DGCR2: variants seen among roughly 807,000 people sequenced by gnomAD.
DGCR2 encodes DiGeorge syndrome critical region gene 2.
Under a neutral mutation model 51.6 loss-of-function variants are expected in DGCR2, and 24 were observed. The ratio of observed to expected loss-of-function variants is 0.47; its 90% CI spans 0.34 to 0.65. The LOEUF (loss-of-function observed/expected upper bound fraction) is 0.65. Among genes scored for constraint, DGCR2 ranks in the 30% least tolerant of loss-of-function variants. DGCR2 has a pLI of 0.01. For synonymous variants in DGCR2, 340 were observed against 315.4 expected (o/e 1.08, Z -0.82); for missense variants, 765 against 772.1 (o/e 0.99, Z 0.11).
In DGCR2 at chr22:19,041,773, G is replaced by C. The variant is rs200000740; in HGVS notation, c.1159+34C>G. Reference sequence around the variant, plus strand: ...CATGGGGTGACCTGGGGTGGGGATGGGGACCAGGGTTGTGGCCCTCAGAGG... The same window carrying C: ...CATGGGGTGACCTGGGGTGGGGATGCGGACCAGGGTTGTGGCCCTCAGAGG... On this transcript the variant is annotated intron_variant, in intron 8 of 9. Transcript: ENST00000263196. The C allele has an allele frequency of 3.0e-4, 472 of 1,599,478 alleles. 1 individual carries two copies. The highest frequency in any genetic ancestry group is 2.8e-5 in the Non-Finnish European group (33 of 1,173,152).
chr22:19,115,338 T>C (rs1375110332), intron 1 of DGCR2, among the ~76,000 whole-genome samples: 1 of 152,182 alleles, frequency 6.6e-6, no homozygotes, highest in East Asian at 1.9e-4. Flanking sequence ...GCTGGTGAGC[T>C]TCAGTGAGGA....
At chr22:19,053,559 C>A (rs1254217238) in intron 6 of DGCR2, among the ~76,000 whole-genome samples, 1 of 152,114 alleles carries the variant, frequency 6.6e-6, no homozygotes, top group Non-Finnish European at 1.5e-5. Context: ...GTACTAAAGA[C>A]CTCCCCACAA....
rs542459094 is a variant in DGCR2, at chr22:19,038,767, G to A, written c.*98C>T. 142 of 1,497,240 alleles carry A rather than the reference G, an allele frequency of 9.5e-5. 1 individual carries two copies. Among genetic ancestry groups the A allele is most frequent in the South Asian group, 7.9e-4 (61 of 77,666 alleles). 92.7% of individuals were successfully genotyped at this position (1,497,240 alleles called of 1,614,324 possible). On this transcript the variant is annotated 3_prime_UTR_variant, in exon 10 of 10. Coordinates refer to ENST00000263196, the MANE Select transcript of DGCR2 (RefSeq NM_005137.3). The stretch of plus-strand genomic sequence containing the variant: ...CCAGTGACGTGCGGCAGTGCGTGGC[G>A]TCCAGGCTGGGACAGGGGCCTTTCA...
At chr22:19,109,895 C>A (rs1419438692) in intron 1 of DGCR2, among the ~76,000 whole-genome samples, 2 of 152,216 alleles carry the variant, frequency 1.3e-5, no homozygotes, top group East Asian at 3.8e-4. Context: ...GAAGTAACTC[C>A]TGCAAGAAAG....
chr22:19,082,067 T>G (rs5993511), intron 2 of DGCR2, among the ~76,000 whole-genome samples: 35,213 of 149,812 alleles, frequency 0.24, 4,744 homozygotes, highest in African/African-American at 0.37. Context: ...TTTTTTTGTT[T>G]TTTTTTTTTT....
At chr22:19,046,908 C>G (rs528687057) in intron 7 of DGCR2, 1 of 167,706 alleles carries the variant, frequency 6.0e-6, no homozygotes, top group South Asian at 1.1e-4. Context: ...GGCATTCTTA[C>G]AAAGCTTGGA....
chr22:19,048,650 T>C lies in DGCR2; in HGVS notation c.803-7A>G, dbSNP rs2082516872. On this transcript the variant is annotated splice_region_variant and splice_polypyrimidine_tract_variant and intron_variant, in intron 6 of 9. Coordinates refer to ENST00000263196, the MANE Select transcript of DGCR2 (RefSeq NM_005137.3). ...ATGTCAACACATGTTTGACCTGCAA[T>C]GAGCATACATTGTGTACAGATGTAT... is the stretch of plus-strand genomic sequence containing the variant. 2.5e-6 allele frequency: 4 copies of C among 1,614,006 alleles called. No individual in the cohort carries two copies. Among genetic ancestry groups the C allele is most frequent in the African/African-American group, 1.3e-5 (1 of 74,922 alleles).
intron 5 of DGCR2, among the ~76,000 whole-genome samples, chr22:19,058,918 G>A (rs2082631320): frequency 6.6e-6 from 1 of 152,248 alleles, no homozygotes; most frequent in Admixed American, 6.5e-5. Context: ...CCTGTGTAGC[G>A]CCCCTGCCCA....
intron 1 of DGCR2, among the ~76,000 whole-genome samples, chr22:19,116,551 C>T (rs1484797526): frequency 6.6e-6 from 1 of 152,202 alleles, no homozygotes; most frequent in Non-Finnish European, 1.5e-5. Context: ...GCCCACTCTG[C>T]AGACTGGCAG....
At chr22:19,108,800 T>C (rs771718891) in intron 1 of DGCR2, among the ~76,000 whole-genome samples, 18 of 151,552 alleles carry the variant, frequency 1.2e-4, no homozygotes, top group South Asian at 8.3e-4. Context: ...GGTGGGAGGA[T>C]TGCTTGAGCC....
chr22:19,072,393 T>C (rs1323076081), intron 2 of DGCR2, among the ~76,000 whole-genome samples: 1 of 151,972 alleles, frequency 6.6e-6, no homozygotes, highest in African/African-American at 2.4e-5. Context: ...GAACTTCAAG[T>C]CCCTCAGCCA....
In DGCR2 at chr22:19,063,284, G is replaced by C; in HGVS notation, c.549-6C>G. 4 of 1,613,744 alleles carry C rather than the reference G, an allele frequency of 2.5e-6. No individual in the cohort carries two copies. The South Asian group carries it at 3.3e-5, about 13-fold the overall frequency. On this transcript the variant is annotated splice_polypyrimidine_tract_variant and splice_region_variant and intron_variant, in intron 4 of 9. Transcript: ENST00000263196. ...ACTGATAGCCAACCCACAACCTGCAGGGCACAGAGACAGAGACAGAGATCT... is the reference window on the plus strand; with the variant it reads ...ACTGATAGCCAACCCACAACCTGCACGGCACAGAGACAGAGACAGAGATCT...
chr22:19,067,663 G>C (rs2082764254), intron 3 of DGCR2, among the ~76,000 whole-genome samples: 1 of 152,038 alleles, frequency 6.6e-6, no homozygotes, highest in Admixed American at 6.6e-5. Context: ...CTGCACTCCA[G>C]CCTGGGTGAC....
chr22:19,072,264 T>C lies in DGCR2; in HGVS notation c.203-4039A>G, dbSNP rs556887137. Among the ~76,000 whole-genome samples, 7 of 152,114 alleles carry C rather than the reference T, an allele frequency of 4.6e-5. No individual in the cohort carries two copies. The South Asian group carries it at 6.2e-4, about 14-fold the overall frequency. On this transcript the variant is annotated intron_variant, in intron 2 of 9. Coordinates refer to ENST00000263196, the MANE Select transcript of DGCR2 (RefSeq NM_005137.3). The stretch of plus-strand genomic sequence containing the variant: ...CTCAGAACCCCAGGCTCCAGGCAGA[T>C]AGGAAATGGTCCTTTATGGAAAAAA...
intron 1 of DGCR2, among the ~76,000 whole-genome samples, chr22:19,093,206 C>T (rs1408625638): frequency 6.6e-6 from 1 of 151,536 alleles, no homozygotes; most frequent in Non-Finnish European, 1.5e-5. Context: ...ACTAAAAATA[C>T]AAAATTAGCC....
chr22:19,107,132 A>C (rs536535732), intron 1 of DGCR2, among the ~76,000 whole-genome samples: 3 of 152,186 alleles, frequency 2.0e-5, no homozygotes, highest in African/African-American at 7.2e-5. Context: ...GTAGCTCCCC[A>C]AACACATAAC....
intron 1 of DGCR2, among the ~76,000 whole-genome samples, chr22:19,111,723 G>C (rs533834585): frequency 6.6e-6 from 1 of 152,168 alleles, no homozygotes; most frequent in Non-Finnish European, 1.5e-5. Context: ...CCAAGCTATC[G>C]GATGGAGAGG....
At chr22:19,079,727 T>C (rs1006873043) in intron 2 of DGCR2, among the ~76,000 whole-genome samples, 1 of 152,230 alleles carries the variant, frequency 6.6e-6, no homozygotes, top group African/African-American at 2.4e-5. Context: ...TCACAGCCAG[T>C]AAGTGGTGAA....
chr22:19,114,596 C>A lies in DGCR2; in HGVS notation c.79+7532G>T, dbSNP rs142258303. On this transcript the variant is annotated intron_variant, in intron 1 of 9. Coordinates refer to ENST00000263196, the MANE Select transcript of DGCR2 (RefSeq NM_005137.3). ...GGCCCTAAGAAGCAGCCAGTGGCAC[C>A]GGAGAGACCTCTGCATCAGCAGACC... Among the ~76,000 whole-genome samples the A allele has an allele frequency of 6.6e-5, 10 of 152,328 alleles. No individual in the cohort carries two copies. In the East Asian group the frequency reaches 1.9e-3, roughly 29 times the overall value.
Sources: gnomAD v4.1 joint callset for allele counts (sites outside exome capture counted in the v4.1 genomes callset) on GRCh38, gnomAD v4.1.1 for gene constraint, MANE v1.5 for transcripts, NCBI Gene and HGNC (gene_info 2026-07-23, HGNC 2026-07-21) for gene names.